KIN: variants seen among roughly 807,000 people sequenced by gnomAD.
The protein encoded by KIN is Kin17 DNA and RNA binding protein.
In KIN, 47 loss-of-function variants were observed where a neutral mutation model predicts 63.0. That is an observed-to-expected ratio of 0.75 (90% CI 0.59 to 0.95). The LOEUF (loss-of-function observed/expected upper bound fraction) is 0.95, where lower values mean the gene tolerates loss of function less well. Ranked by LOEUF, KIN falls within the 40% of genes least tolerant of loss-of-function variation. The pLI is 0.00. For synonymous variants in KIN, 160 were observed against 157.7 expected (o/e 1.01, Z -0.11); for missense variants, 408 against 460.9 (o/e 0.89, Z 1.05).
intron 11 of KIN, among the ~76,000 whole-genome samples, chr10:7,761,647 T>C (rs1835438010): frequency 6.6e-6 from 1 of 152,186 alleles, no homozygotes; most frequent in Non-Finnish European, 1.5e-5. Flanking sequence ...CAAGATGCAA[T>C]CAAAATTATT....
chr10:7,783,047 G>T (rs1408970747), intron 2 of KIN, 34 bp downstream of exon 2: 9 of 1,117,028 alleles, frequency 8.1e-6, no homozygotes, highest in Non-Finnish European at 1.1e-5. Context: ...ACTGAATAAA[G>T]CCTATAAGAT....
intron 1 of KIN, among the ~76,000 whole-genome samples, chr10:7,785,167 G>T (rs1214370371): frequency 6.7e-6 from 1 of 149,654 alleles, no homozygotes; most frequent in African/African-American, 2.5e-5. Flanking sequence ...GAGGAGGATT[G>T]CTTGAGCTGG....
intron 7 of KIN, among the ~76,000 whole-genome samples, chr10:7,771,973 G>A (rs781156814): frequency 7.2e-5 from 11 of 152,052 alleles, no homozygotes; most frequent in Non-Finnish European, 1.3e-4. Context: ...ACAATAATGG[G>A]GAAAAAGATG....
intron 2 of KIN, among the ~76,000 whole-genome samples, chr10:7,781,107 C>G (rs546877287): frequency 1.3e-5 from 2 of 152,124 alleles, no homozygotes; most frequent in Non-Finnish European, 2.9e-5. Flanking sequence ...CCAATCATAA[C>G]AAAAGTTAAA....
At position 7,783,063 on chromosome 10, in the gene KIN, G is replaced by A. The variant is rs1020745876; in HGVS notation, c.209+18C>T. 4 of 1,373,384 alleles carry A rather than the reference G, an allele frequency of 2.9e-6. No individual in the cohort carries two copies. The highest frequency in any genetic ancestry group is 4.1e-6 in the Non-Finnish European group (4 of 978,790). 85.1% of individuals were successfully genotyped at this position (1,373,384 alleles called of 1,614,324 possible). On this transcript the variant is annotated intron_variant, in intron 2 of 12. Coordinates refer to ENST00000379562, the MANE Select transcript of KIN (RefSeq NM_012311.4). ...CTGAATAAAGCCTATAAGATAAAGA[G>A]TTCTTTGAGTTACTTACTCTGAAAA...
intron 4 of KIN, 119 bp from the exon 5 acceptor site, chr10:7,779,138 T>G: frequency 8.5e-7 from 1 of 1,182,908 alleles, no homozygotes. Flanking sequence ...CCGAGCGCAG[T>G]GGCTTACACC....
chr10:7,782,396 G>A (rs1835915275), intron 2 of KIN, among the ~76,000 whole-genome samples: 1 of 144,482 alleles, frequency 6.9e-6, no homozygotes, highest in South Asian at 2.3e-4. Context: ...GCTATTTTTA[G>A]TGCCATTTTT....
chr10:7,770,570 C>G (rs943692888), intron 7 of KIN, among the ~76,000 whole-genome samples: 1 of 151,782 alleles, frequency 6.6e-6, no homozygotes, highest in Non-Finnish European at 1.5e-5. Context: ...CGACTCCTCT[C>G]TTGTAGTAGG....
intron 7 of KIN, among the ~76,000 whole-genome samples, chr10:7,773,820 T>A (rs2131013088): frequency 6.6e-6 from 1 of 152,356 alleles, no homozygotes; most frequent in Non-Finnish European, 1.5e-5. Context: ...GGTACTTGAC[T>A]CTCTTGTCTT....
chr10:7,782,399 C>G (rs576033903), intron 2 of KIN, among the ~76,000 whole-genome samples: 1 of 141,116 alleles, frequency 7.1e-6, no homozygotes, highest in Admixed American at 7.4e-5. Context: ...ATTTTTAGTG[C>G]CATTTTTTTT....
intron 5 of KIN, among the ~76,000 whole-genome samples, chr10:7,777,023 C>T (rs1316029723): frequency 3.3e-5 from 4 of 122,720 alleles, no homozygotes; most frequent in African/African-American, 1.2e-4. Flanking sequence ...CCACTGCATT[C>T]TAGCCTGGTG....
chr10:7,778,158 A>G lies in KIN; in HGVS notation c.558+680T>C, dbSNP rs527518692. 1.8e-4 allele frequency among the ~76,000 whole-genome samples: 27 copies of G among 152,320 alleles called. No homozygotes were observed. In the South Asian group the frequency reaches 5.6e-3, roughly 32 times the overall value. On this transcript the variant is annotated intron_variant, in intron 5 of 12. Coordinates refer to ENST00000379562, the MANE Select transcript of KIN (RefSeq NM_012311.4). Reference sequence around the variant, plus strand: ...TCAAATACTCTGTCCTCCCCAGGCCAGAGTAAACATTGCTTCTCTATGTTT... The same window carrying G: ...TCAAATACTCTGTCCTCCCCAGGCCGGAGTAAACATTGCTTCTCTATGTTT...
chr10:7,770,210 C>A (rs937556847), intron 7 of KIN, among the ~76,000 whole-genome samples: 2 of 152,200 alleles, frequency 1.3e-5, no homozygotes, highest in Non-Finnish European at 2.9e-5. Context: ...GGATTACAGG[C>A]GTAAGCCACC....
At chr10:7,767,925 A>C (rs1160099936) in intron 8 of KIN, among the ~76,000 whole-genome samples, 1 of 152,068 alleles carries the variant, frequency 6.6e-6, no homozygotes, top group African/African-American at 2.4e-5. Flanking sequence ...TGAAGACGAA[A>C]ATAAATGAGG....
chr10:7,763,902 C>T (rs972335200), intron 9 of KIN, 111 bp from the exon 10 acceptor site: 3 of 571,474 alleles, frequency 5.2e-6, no homozygotes, highest in Non-Finnish European at 9.1e-6. Flanking sequence ...TGTAACTGCC[C>T]TGCCAAATAA....
chr10:7,781,750 C>CAAAAA (rs34969604), intron 2 of KIN, among the ~76,000 whole-genome samples: 19 of 67,948 alleles, frequency 2.8e-4, no homozygotes, highest in African/African-American at 4.8e-4. Context: ...AAGACCCTGT[C>CAAAAA]AAAAAAAAAA....
At chr10:7,783,899 A>G (rs939740420) in intron 1 of KIN, among the ~76,000 whole-genome samples, 1 of 151,996 alleles carries the variant, frequency 6.6e-6, no homozygotes, top group African/African-American at 2.4e-5. Context: ...CTTCTTAATA[A>G]CCCATATTCA....
At position 7,754,566 on chromosome 10, in the gene KIN, G is replaced by A. The variant is rs1835295827; in HGVS notation, c.*1514C>T. On this transcript the variant is annotated 3_prime_UTR_variant, in exon 13 of 13. Transcript: ENST00000379562. ...GAGAATGGCTTGAACCCGGGAGGTG[G>A]AGGTTGCAGTGAGCCGAGATTGCAC... 6.5e-6 allele frequency: 1 copy of A among 152,768 alleles called. No homozygotes were observed. The allele number at this position is 152,768 out of a possible 1,614,324, so 9.5% of individuals were successfully genotyped here. A position where few individuals can be genotyped will look rare whatever the true frequency, so the allele number is the denominator to read the frequency against.
At position 7,780,314 on chromosome 10, in the gene KIN, A is replaced by G. The variant is rs761054763; in HGVS notation, c.210-7T>C. 3 of 1,598,204 alleles carry G rather than the reference A, an allele frequency of 1.9e-6. No individual in the cohort carries two copies. The highest frequency in any genetic ancestry group is 2.6e-6 in the Non-Finnish European group (3 of 1,172,498). On this transcript the variant is annotated splice_region_variant and splice_polypyrimidine_tract_variant and intron_variant, in intron 2 of 12. Transcript: ENST00000379562. ...AAAGTCATTTCGGAATTCCCTAATA[A>G]AGAAAGAAAGGAAAGCATTAAGGTA...
Sources: allele counts gnomAD v4.1 joint callset (sites outside exome capture counted in the v4.1 genomes callset), GRCh38; gene constraint gnomAD v4.1.1; transcripts MANE v1.5; gene names NCBI Gene and HGNC (gene_info 2026-07-23, HGNC 2026-07-21).